Variants in LIPA observed in about 807,000 individuals in gnomAD.
The protein encoded by LIPA is lipase A, lysosomal acid type.
In LIPA, 26 loss-of-function variants were observed where a neutral mutation model predicts 40.6. That is an observed-to-expected ratio of 0.64 (90% CI 0.47 to 0.89). The LOEUF (loss-of-function observed/expected upper bound fraction) is 0.89. Among genes scored for constraint, LIPA ranks in the 40% least tolerant of loss-of-function variants. The pLI is 0.00. For synonymous variants in LIPA, 188 were observed against 168.4 expected (o/e 1.12, Z -0.90); for missense variants, 455 against 479.6 (o/e 0.95, Z 0.48).
Position 89,341,730 on chromosome 10 carries a change from C to A in LIPA, c.-2+881G>T, listed in dbSNP as rs34752588. 4.5e-3 allele frequency among the ~76,000 whole-genome samples: 685 copies of A among 152,216 alleles called. 2 individuals carry two copies. The highest frequency in any genetic ancestry group is 7.6e-3 in the Non-Finnish European group (515 of 68,014). ...CATCTCTCAGAATTTAGAATATAGA[C>A]CCTACACCAGGAACCCATAAAGAGT... On this transcript the variant is annotated intron_variant, in intron 1 of 5. Transcript: ENST00000282673.
rs1261613499 is a variant in LIPA, at chr10:89,222,554, G to C, written c.851C>G (p.Ser284Cys). The C allele has an allele frequency of 1.2e-6, 2 of 1,609,212 alleles. No homozygotes were observed. The highest frequency in any genetic ancestry group is 2.2e-5 in the South Asian group (2 of 91,004). The change falls in exon 8 of 10, where the codon TCT becomes TGT. Residue 284 changes from serine (S) to cysteine (C), a missense_variant. Physicochemically the swap from Ser to Cys is moderately radical, Grantham distance 112 (BLOSUM62 -1). Transcript: ENST00000336233. ...MSRVDVYTTH[S>C]PAGTSVQNML... Reference sequence around the variant, plus strand: ...GTTTTGCACAGAAGTTCCAGCAGGAGAATGTGTTGTATATACATCCACTCT... The same window carrying C: ...GTTTTGCACAGAAGTTCCAGCAGGACAATGTGTTGTATATACATCCACTCT...
At chr10:89,349,962 C>T (rs6586190) in intron 2 of LIPA, among the ~76,000 whole-genome samples, 1 of 152,088 alleles carries the variant, frequency 6.6e-6, no homozygotes, top group Non-Finnish European at 1.5e-5. Flanking sequence ...ATTCAAGAAA[C>T]GGGATAACAA....
At chr10:89,355,593 C>T (rs892420584) in intron 2 of LIPA, among the ~76,000 whole-genome samples, 2 of 152,226 alleles carry the variant, frequency 1.3e-5, no homozygotes, top group Non-Finnish European at 2.9e-5. Context: ...CTGAGACCTA[C>T]TGGGCTGCAC....
At chr10:89,339,027 C>G (rs1199224523) in intron 1 of LIPA, 1 of 1,614,100 alleles carries the variant, frequency 6.2e-7, no homozygotes, top group South Asian at 1.1e-5. Flanking sequence ...AACAAACCTG[C>G]AAGAAATTTT....
At chr10:89,381,199 G>A (rs1422016750) in intron 2 of LIPA, among the ~76,000 whole-genome samples, 1 of 152,188 alleles carries the variant, frequency 6.6e-6, no homozygotes, top group South Asian at 2.1e-4. Flanking sequence ...CAGCTCTAGA[G>A]TAATGGAAGT....
intron 8 of LIPA, among the ~76,000 whole-genome samples, chr10:89,221,928 G>C (rs1842704462): frequency 6.6e-6 from 1 of 151,996 alleles, no homozygotes; most frequent in Non-Finnish European, 1.5e-5. Context: ...TTTTTTTCTA[G>C]ATGTAGTTTC....
chr10:89,214,914 A>G lies in LIPA; in HGVS notation c.1114T>C (p.Trp372Arg). ...CCCCAAATGAAGTCAAGATGCTCCCATTCCGGAATGCTCTCATGGAACACC... is the reference window on the plus strand; with the variant it reads ...CCCCAAATGAAGTCAAGATGCTCCCGTTCCGGAATGCTCTCATGGAACACC... ...NLVFHESIPE[W>R]EHLDFIWGLD... The change falls in exon 10 of 10, where the codon TGG (tryptophan) becomes CGG (arginine). Residue 372 changes from tryptophan to arginine, a missense_variant. By Grantham distance (101) the Trp-to-Arg change is moderately radical. Coordinates refer to ENST00000336233, the MANE Select transcript of LIPA (RefSeq NM_000235.4). The G allele has an allele frequency of 3.1e-6, 5 of 1,614,054 alleles. No homozygotes were observed. The highest frequency in any genetic ancestry group is 4.2e-6 in the Non-Finnish European group (5 of 1,179,906).
At chr10:89,314,773 G>C (rs1008220666) in intron 1 of LIPA, 4 of 152,176 alleles carry the variant, frequency 2.6e-5, no homozygotes, top group Non-Finnish European at 5.9e-5. Flanking sequence ...TTTTGAGCCA[G>C]GAATTAGAAC....
At chr10:89,354,155 C>A (rs368087914) in intron 2 of LIPA, among the ~76,000 whole-genome samples, 1 of 152,146 alleles carries the variant, frequency 6.6e-6, no homozygotes, top group Non-Finnish European at 1.5e-5. Flanking sequence ...ATGACTATTC[C>A]TCTACCCCAC....
chr10:89,368,072 T>G (rs1180455745), intron 2 of LIPA, among the ~76,000 whole-genome samples: 1 of 152,150 alleles, frequency 6.6e-6, no homozygotes, highest in African/African-American at 2.4e-5. Context: ...CCTCCTGCCT[T>G]GGCCTGTCAA....
In LIPA at chr10:89,401,211, G is replaced by T. The variant is rs181863049; in HGVS notation, c.61+11580C>A. Among the ~76,000 whole-genome samples, 336 of 151,436 alleles carry T rather than the reference G, an allele frequency of 2.2e-3. 1 individual carries two copies. Among genetic ancestry groups the T allele is most frequent in the African/African-American group, 7.6e-3 (315 of 41,206 alleles). On this transcript the variant is annotated intron_variant, in intron 2 of 8. Coordinates refer to the LIPA transcript ENST00000371837. ...AGCTCACTGCAACCTCTGCCTCTCA[G>T]ACTCAAGCGATTCTCCTGCCTCAGC...
intron 1 of LIPA, among the ~76,000 whole-genome samples, chr10:89,268,655 G>A (rs1457703425): frequency 3.9e-5 from 6 of 152,124 alleles, no homozygotes; most frequent in African/African-American, 1.4e-4. Flanking sequence ...TTTAATGGTT[G>A]CATGTATTAT....
chr10:89,337,280 A>C (rs1843757099), intron 1 of LIPA, among the ~76,000 whole-genome samples: 1 of 152,250 alleles, frequency 6.6e-6, no homozygotes, highest in African/African-American at 2.4e-5. Context: ...CTTAGTATCC[A>C]TAATATCTAA....
At chr10:89,375,523 G>T (rs181748394) in intron 2 of LIPA, among the ~76,000 whole-genome samples, 18 of 152,254 alleles carry the variant, frequency 1.2e-4, no homozygotes, top group Non-Finnish European at 1.2e-4. Flanking sequence ...AAACAAGATG[G>T]CAAATATCTG....
chr10:89,297,390 A>G (rs1326873142), intron 1 of LIPA, among the ~76,000 whole-genome samples: 1 of 152,038 alleles, frequency 6.6e-6, no homozygotes, highest in African/African-American at 2.4e-5. Flanking sequence ...TTGTGAGACT[A>G]TAGTCATGGA....
intron 3 of LIPA, among the ~76,000 whole-genome samples, chr10:89,229,869 T>C (rs1488141006): frequency 2.0e-5 from 3 of 152,086 alleles, no homozygotes; most frequent in Admixed American, 6.5e-5. Flanking sequence ...CAGGGGAGTG[T>C]GGGGGCAGAG....
At chr10:89,269,494 C>G (rs990747431) in intron 1 of LIPA, among the ~76,000 whole-genome samples, 2 of 151,740 alleles carry the variant, frequency 1.3e-5, no homozygotes, top group Admixed American at 6.6e-5. Flanking sequence ...TTATTCTTCT[C>G]TTCAACATTG....
chr10:89,262,442 C>T (rs989104658), intron 1 of LIPA, among the ~76,000 whole-genome samples: 1 of 152,204 alleles, frequency 6.6e-6, no homozygotes, highest in East Asian at 1.9e-4. Flanking sequence ...TACCTACAGC[C>T]TAAGGCTCCT....
At chr10:89,221,557 G>T (rs1314944887) in intron 8 of LIPA, among the ~76,000 whole-genome samples, 1 of 152,148 alleles carries the variant, frequency 6.6e-6, no homozygotes, top group Non-Finnish European at 1.5e-5. Context: ...TGCAAGCAGT[G>T]ACTGCCAGGT....
Sources: gnomAD v4.1 joint callset for allele counts (sites outside exome capture counted in the v4.1 genomes callset) on GRCh38, gnomAD v4.1.1 for gene constraint, MANE v1.5 for transcripts, NCBI Gene and HGNC (gene_info 2026-07-23, HGNC 2026-07-21) for gene names.